The following FAAP20 variants were observed in gnomAD, a reference collection of about 807,000 sequenced individuals.
FAAP20 encodes the protein Fanconi anemia core complex-associated protein 20.
In FAAP20, 12 loss-of-function variants were observed where a neutral mutation model predicts 16.2. The ratio of observed to expected loss-of-function variants is 0.74; its 90% CI spans 0.48 to 1.20. FAAP20 has a LOEUF of 1.20. Among genes scored for constraint, FAAP20 ranks in the 50% most tolerant of loss-of-function variants. The pLI, the probability that FAAP20 is intolerant of heterozygous loss-of-function variation, is 0.00. For missense variants in FAAP20, 288 were observed against 245.8 expected (o/e 1.17, Z -1.15); for synonymous variants, 141 against 110.7 (o/e 1.27, Z -1.72).
chr1:2,188,271 A>G (rs1342988668), downstream of FAAP20, among the ~76,000 whole-genome samples: 1 of 152,122 alleles, frequency 6.6e-6, no homozygotes, highest in Non-Finnish European at 1.5e-5. Context: ...GCCCAGGCAG[A>G]CGGTGGCTGA....
rs1687938414 is a variant in FAAP20, at chr1:2,189,660, G to T, written c.*49C>A. On this transcript the variant is annotated 3_prime_UTR_variant, in exon 4 of 4. Transcript: ENST00000378546. ...GCCGAGAGGCGGGGCTGCTGGCGGG[G>T]GAGAGCGTGTCCGGGCGCCGCACTC... is the stretch of plus-strand genomic sequence containing the variant. 5 of 1,509,444 alleles carry T rather than the reference G, an allele frequency of 3.3e-6. No homozygotes were observed. Among genetic ancestry groups the T allele is most frequent in the Non-Finnish European group, 4.6e-6 (5 of 1,092,700 alleles). 93.5% of individuals were successfully genotyped at this position (1,509,444 alleles called of 1,614,324 possible).
intron 3 of FAAP20, chr1:2,191,768 A>C (rs993805825): frequency 3.2e-6 from 3 of 947,420 alleles, no homozygotes; most frequent in Non-Finnish European, 3.8e-6. Context: ...CCAGTGACCA[A>C]CCCAGGGCCT....
At chr1:2,198,196 GT>G (rs1167424424), upstream of FAAP20, 1 of 1,255,020 alleles carries the variant, frequency 8.0e-7, no homozygotes, top group South Asian at 1.3e-5. Flanking sequence ...GTGGAAATGA[GT>G]TTTTTCTAAG....
chr1:2,203,553 G>A (rs975095060), upstream of FAAP20: 6 of 986,180 alleles, frequency 6.1e-6, no homozygotes, highest in African/African-American at 5.2e-5. Context: ...GAGCTGGCTG[G>A]TGCCCCTCAC....
chr1:2,187,285 CTTTT>C (rs70954587), downstream of FAAP20: 824 of 327,834 alleles, frequency 2.5e-3, 5 homozygotes, highest in Middle Eastern at 0.019. Context: ...AAGCCATTTT[CTTTT>C]TTTTTTTCTT....
chr1:2,190,570 A>G, intron 3 of FAAP20: 1 of 369,388 alleles, frequency 2.7e-6, no homozygotes, highest in Non-Finnish European at 5.5e-6. Flanking sequence ...CCTGGAAGCC[A>G]GGACAGTTGA....
At position 2,193,740 on chromosome 1, in the gene FAAP20, T is replaced by A. The variant is rs1334831487; in HGVS notation, c.369A>T (p.Ala123=). Residue 123 remains alanine (A), a synonymous_variant, in exon 3 of 4, where the codon GCA becomes GCT. Transcript: ENST00000378546. ...SPARSLPQRP[A]PDPCRAPRVE... Reference sequence around the variant, plus strand: ...CCCTGGGGGCCCTGCAGGGATCAGGTGCCGGGCGCTGGGGCAGGGACCTGG... The same window carrying A: ...CCCTGGGGGCCCTGCAGGGATCAGGAGCCGGGCGCTGGGGCAGGGACCTGG... 1 of 1,590,690 alleles carries A rather than the reference T, an allele frequency of 6.3e-7. No homozygotes were observed. Among genetic ancestry groups the A allele is most frequent in the Non-Finnish European group, 8.5e-7 (1 of 1,172,508 alleles).
At chr1:2,197,949 G>C, upstream of FAAP20, 1 of 1,260,872 alleles carries the variant, frequency 7.9e-7, no homozygotes, top group South Asian at 1.3e-5. Context: ...GCCTGGAAGG[G>C]GACCGGCCAC....
At chr1:2,185,792 G>A (rs1050233049), downstream of FAAP20, among the ~76,000 whole-genome samples, 5 of 152,234 alleles carry the variant, frequency 3.3e-5, no homozygotes, top group African/African-American at 7.2e-5. Context: ...GTGCCTGCAC[G>A]ATGCCTCGTG....
At position 2,193,694 on chromosome 1, in the gene FAAP20, C is replaced by G. The variant is rs765025402; in HGVS notation, c.415G>C (p.Glu139Gln). 19 of 1,597,096 alleles carry G rather than the reference C, an allele frequency of 1.2e-5. No individual in the cohort carries two copies. In the East Asian group the frequency reaches 4.2e-4, roughly 36 times the overall value. Reference protein sequence around the residue: ...APRVEQQPSVEGAAALRSCPM... With the variant: ...APRVEQQPSVQGAAALRSCPM... ...CAGCTGCGCAGGGCCGCGGCACCCT[C>G]CACAGACGGCTGCTGCTCCACCCTG... is the stretch of plus-strand genomic sequence containing the variant. The change falls in exon 3 of 4, where the codon GAG (glutamate) becomes CAG (glutamine). Residue 139 changes from glutamate to glutamine, a missense_variant. Glu to Gln is a conservative substitution (Grantham distance 29, BLOSUM62 2). Coordinates refer to ENST00000378546, the MANE Select transcript of FAAP20 (RefSeq NM_182533.4).
At chr1:2,185,037 G>T (rs367865287), downstream of FAAP20, 2 of 1,576,730 alleles carry the variant, frequency 1.3e-6, no homozygotes, top group South Asian at 2.3e-5. Flanking sequence ...TCGTGGACAC[G>T]CGTGATTGAC....
At chr1:2,192,546 A>G in intron 3 of FAAP20, 1 of 1,019,036 alleles carries the variant, frequency 9.8e-7, no homozygotes, top group Non-Finnish European at 1.2e-6. Flanking sequence ...GGCGGGGGGC[A>G]GCACCCTGAC....
downstream of FAAP20, among the ~76,000 whole-genome samples, chr1:2,187,599 C>T (rs113918007): frequency 0.011 from 1,651 of 152,312 alleles, 24 homozygotes; most frequent in African/African-American, 0.027. Flanking sequence ...CTACCGCGCC[C>T]GGCCTGAAGC....
chr1:2,192,256 G>A (rs1167187507), intron 3 of FAAP20: 2 of 986,224 alleles, frequency 2.0e-6, no homozygotes, highest in South Asian at 4.7e-5. Context: ...CTGCCCATGC[G>A]GTGGCCACAG....
chr1:2,184,520 ACACT>A (rs1266776826), downstream of FAAP20: 16 of 1,259,844 alleles, frequency 1.3e-5, 2 homozygotes, highest in Middle Eastern at 2.2e-3. Flanking sequence ...TGCGTGCAAA[ACACT>A]CAATCTGGTA....
At chr1:2,202,733 C>T (rs976573444), upstream of FAAP20, among the ~76,000 whole-genome samples, 1 of 152,174 alleles carries the variant, frequency 6.6e-6, no homozygotes, top group Non-Finnish European at 1.5e-5. Context: ...CCCTCGGCCT[C>T]CCAAAGTGCT....
intron 1 of FAAP20, 60 bp downstream of exon 1, chr1:2,194,628 G>A (rs1447448670): frequency 6.2e-6 from 6 of 972,528 alleles, no homozygotes; most frequent in Non-Finnish European, 7.7e-6. Flanking sequence ...CCGCGGGGGC[G>A]CCGGGAAGCA....
downstream of FAAP20, chr1:2,185,259 G>C (rs1687409488): frequency 1.4e-6 from 1 of 714,836 alleles, no homozygotes; most frequent in Non-Finnish European, 2.6e-6. Context: ...GATCCGCGGG[G>C]ACCCTGCCGA....
chr1:2,207,134 G>A (rs1027436451), intron 1 of FAAP20, among the ~76,000 whole-genome samples: 4 of 152,242 alleles, frequency 2.6e-5, no homozygotes, highest in African/African-American at 9.6e-5. Flanking sequence ...CTGGGCCGGT[G>A]AGGGGTGGAT....
Sources: gnomAD v4.1 joint callset for allele counts (sites outside exome capture counted in the v4.1 genomes callset) on GRCh38, gnomAD v4.1.1 for gene constraint, MANE v1.5 for transcripts, NCBI Gene and HGNC (gene_info 2026-07-23, HGNC 2026-07-21) for gene names.